The following DHRS7 variants were observed in gnomAD, a reference collection of about 807,000 sequenced individuals.
DHRS7 encodes the protein dehydrogenase/reductase 7, also known as dehydrogenase/reductase SDR family member 7.
In DHRS7, 34 loss-of-function variants were observed where a neutral mutation model predicts 38.9. That is an observed-to-expected ratio of 0.87 (90% confidence interval 0.66 to 1.16). DHRS7 has a LOEUF of 1.16. DHRS7 is among the 50% of genes most tolerant of loss of function. The pLI is 0.00. For synonymous variants in DHRS7, 158 were observed against 153.1 expected (o/e 1.03, Z -0.24); for missense variants, 421 against 407.0 (o/e 1.03, Z -0.30).
chr14:60,159,257 A>G, intron 1 of DHRS7: 1 of 409,804 alleles, frequency 2.4e-6, no homozygotes, highest in South Asian at 2.0e-5. Context: ...AGTTTCTTAG[A>G]CAATACACAG....
In DHRS7 at chr14:60,159,138, A is replaced by G. The variant is rs149987299; in HGVS notation, c.134-2986T>C. 6.3e-3 allele frequency: 2,526 copies of G among 402,866 alleles called. 80 individuals are homozygous for G. The highest frequency in any genetic ancestry group is 0.056 in the Admixed American group (1,864 of 33,560). 25.0% of individuals were successfully genotyped at this position (402,866 alleles called of 1,614,324 possible). A position where few individuals can be genotyped will look rare whatever the true frequency, so the allele number is the denominator to read the frequency against. Reference sequence around the variant, plus strand: ...GAAAATCATTTGGAATTGGAGGGAAAAACACAGCTTATTAATCAAGTGTTG... The same window carrying G: ...GAAAATCATTTGGAATTGGAGGGAAGAACACAGCTTATTAATCAAGTGTTG... On this transcript the variant is annotated intron_variant, in intron 1 of 6. Coordinates refer to ENST00000557185, the MANE Select transcript of DHRS7 (RefSeq NM_016029.4).
chr14:60,166,229 TC>T, upstream of DHRS7: 2 of 985,438 alleles, frequency 2.0e-6, no homozygotes, highest in Non-Finnish European at 2.4e-6. Flanking sequence ...AATAGTAGCA[TC>T]TTTCTTGTTT....
At chr14:60,155,380 C>G (rs576418671) in intron 2 of DHRS7, among the ~76,000 whole-genome samples, 2 of 152,010 alleles carry the variant, frequency 1.3e-5, no homozygotes, top group Non-Finnish European at 1.5e-5. Context: ...ACCTGTGAGG[C>G]GGAAGTTGCA....
At position 60,162,475 on chromosome 14, in the gene DHRS7, G is replaced by A. The variant is rs762296159; in HGVS notation, c.133+2702C>T. Among the ~76,000 whole-genome samples the A allele has an allele frequency of 3.9e-5, 6 of 152,096 alleles. No individual in the cohort carries two copies. Among genetic ancestry groups the A allele is most frequent in the Non-Finnish European group, 7.4e-5 (5 of 68,024 alleles). On this transcript the variant is annotated intron_variant, in intron 1 of 6. Transcript: ENST00000557185. The surrounding 1 kb of genome is among the most constrained non-coding windows in gnomAD (Gnocchi z 4.5). ...GGAGGCAGGAAATGGTGGCTGCCTC[G>A]AGAGAAGCACACTAGGTAGCTAGGG... is the stretch of plus-strand genomic sequence containing the variant.
In DHRS7 at chr14:60,160,811, G is replaced by A. The variant is rs187648533; in HGVS notation, c.133+4366C>T. On this transcript the variant is annotated intron_variant, in intron 1 of 6. Coordinates refer to ENST00000557185, the MANE Select transcript of DHRS7 (RefSeq NM_016029.4). ...TTGCCATGTTGCCTAGGCTGGTCTCGAACTTGTGAGCTCTAGCGATTTGCC... is the reference window on the plus strand; with the variant it reads ...TTGCCATGTTGCCTAGGCTGGTCTCAAACTTGTGAGCTCTAGCGATTTGCC... Among the ~76,000 whole-genome samples the A allele has an allele frequency of 8.3e-3, 1,259 of 152,050 alleles. 7 individuals carry two copies. The highest frequency in any genetic ancestry group is 0.012 in the Non-Finnish European group (783 of 67,980).
chr14:60,147,399 CAAAA>C (rs1194964454), intron 6 of DHRS7: 3 of 151,860 alleles, frequency 2.0e-5, no homozygotes, highest in Admixed American at 1.3e-4. Context: ...TCACCACACA[CAAAA>C]AAAGGTAACT....
Position 60,156,163 on chromosome 14 carries a change from A to G in DHRS7, c.134-11T>C. 1 of 1,547,050 alleles carries G rather than the reference A, an allele frequency of 6.5e-7. No homozygotes were observed. Among genetic ancestry groups the G allele is most frequent in the Non-Finnish European group, 8.7e-7 (1 of 1,150,514 alleles). ...CAGTCAGCTCCCATTCTATGGAAGG[A>G]ATGTAAATGGAAGGAAGAAAATAAG... is the stretch of plus-strand genomic sequence containing the variant. On this transcript the variant is annotated splice_polypyrimidine_tract_variant and intron_variant, in intron 1 of 6. Transcript: ENST00000557185.
chr14:60,155,233 G>A (rs1408770316), intron 2 of DHRS7, among the ~76,000 whole-genome samples: 9 of 152,150 alleles, frequency 5.9e-5, no homozygotes, highest in Non-Finnish European at 1.3e-4. Context: ...CAGATCACCT[G>A]AGGTCAGGAG....
chr14:60,159,917 AAGAT>A (rs1896729903), intron 1 of DHRS7, among the ~76,000 whole-genome samples: 1 of 152,236 alleles, frequency 6.6e-6, no homozygotes, highest in South Asian at 2.1e-4. Context: ...ATTTAATACT[AAGAT>A]AGAATTGCTG....
upstream of DHRS7, chr14:60,168,557 G>A: frequency 9.0e-7 from 1 of 1,106,576 alleles, no homozygotes. Flanking sequence ...GCAACTTCCT[G>A]TGAATCTATA....
chr14:60,157,737 G>T (rs1419395377), intron 1 of DHRS7, among the ~76,000 whole-genome samples: 1 of 144,918 alleles, frequency 6.9e-6, no homozygotes, highest in Non-Finnish European at 1.5e-5. Context: ...TATTGAAAAG[G>T]CTCCATAAAT....
intron 4 of DHRS7, among the ~76,000 whole-genome samples, chr14:60,151,185 A>G (rs1374042404): frequency 6.6e-6 from 1 of 152,176 alleles, no homozygotes; most frequent in Non-Finnish European, 1.5e-5. Flanking sequence ...TTTGGGTAAT[A>G]AGAGGGTATG....
Position 60,162,285 on chromosome 14 carries a change from A to C in DHRS7, c.133+2892T>G, listed in dbSNP as rs554240865. On this transcript the variant is annotated intron_variant, in intron 1 of 6. Coordinates refer to ENST00000557185, the MANE Select transcript of DHRS7 (RefSeq NM_016029.4). The surrounding 1 kb of genome is among the most constrained non-coding windows in gnomAD (Gnocchi z 4.5). ...CTACTGGGGAGGCTGAGGTGGGAGG[A>C]TTGCCTGAGCCCAGGAGTTCGAGGC... 6.6e-6 allele frequency among the ~76,000 whole-genome samples: 1 copy of C among 151,936 alleles called. No individual in the cohort carries two copies. Among genetic ancestry groups the C allele is most frequent in the African/African-American group, 2.4e-5 (1 of 41,436 alleles).
chr14:60,150,210 AAG>A, intron 4 of DHRS7, 23 bp from the exon 5 acceptor site: 5 of 1,502,638 alleles, frequency 3.3e-6, no homozygotes, highest in South Asian at 1.4e-5. Flanking sequence ...AAAAAAAAAA[AAG>A]GAAAAAGGCA....
intron 1 of DHRS7, among the ~76,000 whole-genome samples, chr14:60,163,940 T>C (rs1896813428): frequency 6.6e-6 from 1 of 152,180 alleles, no homozygotes; most frequent in Non-Finnish European, 1.5e-5. Flanking sequence ...GAGAAAGCCC[T>C]TGGTTAATGA....
At chr14:60,147,672 A>G (rs1896442783) in intron 6 of DHRS7, 2 of 152,176 alleles carry the variant, frequency 1.3e-5, no homozygotes, top group African/African-American at 2.4e-5. Flanking sequence ...TCCCATAACA[A>G]TCCTGTGACT....
chr14:60,152,448 A>G (rs1437379840), intron 4 of DHRS7, among the ~76,000 whole-genome samples: 2 of 152,134 alleles, frequency 1.3e-5, no homozygotes, highest in African/African-American at 4.8e-5. Context: ...GGAAGTACCT[A>G]TTTCTGACAT....
At chr14:60,157,645 A>G (rs1222749887) in intron 1 of DHRS7, among the ~76,000 whole-genome samples, 2 of 152,166 alleles carry the variant, frequency 1.3e-5, no homozygotes, top group African/African-American at 4.8e-5. Context: ...AATTTGTCCC[A>G]CTAGACCATA....
Position 60,150,106 on chromosome 14 carries a change from A to T in DHRS7, c.715T>A (p.Ser239Thr), listed in dbSNP as rs746730177. ...VSNICPGPVQSNIVENSLAGE... is the reference protein window; with the variant it reads ...VSNICPGPVQTNIVENSLAGE... ...GCTAGGGAATTCTCCACAATATTTG[A>T]TTGCACAGGTCCTGGGCAAATGTTA... The change falls in exon 5 of 7, where the codon TCA (serine) becomes ACA (threonine). Residue 239 changes from serine to threonine, a missense_variant. By Grantham distance (58) the Ser-to-Thr change is moderately conservative. Transcript: ENST00000557185. 3 of 1,601,072 alleles carry T rather than the reference A, an allele frequency of 1.9e-6. No homozygotes were observed. The highest frequency in any genetic ancestry group is 1.7e-4 in the Middle Eastern group (1 of 5,994).
Sources: allele counts gnomAD v4.1 joint callset (sites outside exome capture counted in the v4.1 genomes callset), GRCh38; gene constraint gnomAD v4.1.1; non-coding constraint Gnocchi (gnomAD v3.1); transcripts MANE v1.5; gene names NCBI Gene and HGNC (gene_info 2026-07-23, HGNC 2026-07-21).